The following GABBR2 variants were observed in gnomAD, a reference collection of about 807,000 sequenced individuals.
The protein encoded by GABBR2 is gamma-aminobutyric acid type B receptor subunit 2.
A neutral mutation model predicts 105.6 loss-of-function variants in GABBR2; 23 were observed. The observed-to-expected ratio is 0.22, with a 90% CI of 0.16 to 0.31. The LOEUF is 0.31. GABBR2 is among the 10% of genes least tolerant of loss of function. GABBR2 has a pLI of 1.00. For missense variants in GABBR2, 734 were observed against 1,245.5 expected (o/e 0.59, Z 6.18); for synonymous variants, 478 against 499.7 (o/e 0.96, Z 0.58).
intron 7 of GABBR2, among the ~76,000 whole-genome samples, chr9:98,414,880 T>C (rs1461059032): frequency 1.3e-5 from 2 of 152,244 alleles, no homozygotes; most frequent in East Asian, 3.9e-4. Context: ...CCCTGAGGCC[T>C]AAGGAACAGT....
intron 1 of GABBR2, among the ~76,000 whole-genome samples, chr9:98,603,068 C>T (rs952839035): frequency 2.0e-5 from 3 of 152,208 alleles, no homozygotes; most frequent in African/African-American, 7.2e-5. Flanking sequence ...GGGACTACTG[C>T]TGGTATTCTT....
At chr9:98,652,139 A>G (rs1588269776) in intron 1 of GABBR2, among the ~76,000 whole-genome samples, 1 of 152,208 alleles carries the variant, frequency 6.6e-6, no homozygotes, top group Non-Finnish European at 1.5e-5. Context: ...TATCATATGT[A>G]TCATAGTTAC....
intron 9 of GABBR2, among the ~76,000 whole-genome samples, chr9:98,391,981 G>A (rs984213856): frequency 2.0e-5 from 3 of 152,142 alleles, no homozygotes; most frequent in African/African-American, 7.2e-5. Flanking sequence ...GCGGGGCTGA[G>A]AGCTGAACCC....
chr9:98,367,528 G>A (rs1002450554), intron 12 of GABBR2, among the ~76,000 whole-genome samples: 2 of 152,132 alleles, frequency 1.3e-5, no homozygotes, highest in African/African-American at 4.8e-5. Flanking sequence ...TTGGGAAGAT[G>A]AAAAGGTTTG....
intron 12 of GABBR2, among the ~76,000 whole-genome samples, chr9:98,368,453 C>T (rs945552484): frequency 4.6e-5 from 7 of 152,220 alleles, no homozygotes; most frequent in East Asian, 1.9e-4. Context: ...AGACCCTTGG[C>T]GGGGACCGAG....
intron 1 of GABBR2, among the ~76,000 whole-genome samples, chr9:98,602,459 CAAA>C (rs796794572): frequency 8.0e-6 from 1 of 125,560 alleles, no homozygotes; most frequent in African/African-American, 3.1e-5. Flanking sequence ...GACTCTGTCT[CAAA>C]AAAAAAAAAA....
At chr9:98,301,769 C>T (rs566436758) in intron 16 of GABBR2, among the ~76,000 whole-genome samples, 1 of 152,204 alleles carries the variant, frequency 6.6e-6, no homozygotes, top group Non-Finnish European at 1.5e-5. Flanking sequence ...CATGGTCGTA[C>T]TCATCAGGAG....
intron 15 of GABBR2, among the ~76,000 whole-genome samples, 179 bp from the exon 16 acceptor site, chr9:98,303,602 T>A (rs1830504741): frequency 6.6e-6 from 1 of 152,218 alleles, no homozygotes; most frequent in African/African-American, 2.4e-5. Context: ...CGCTTGTGTG[T>A]GACCTGGGGC....
At chr9:98,563,443 G>A (rs1828705474) in intron 2 of GABBR2, among the ~76,000 whole-genome samples, 1 of 152,182 alleles carries the variant, frequency 6.6e-6, no homozygotes, top group South Asian at 2.1e-4. Context: ...GCACGCCCTG[G>A]AAACGCTTCC....
chr9:98,682,789 G>T (rs917315284), intron 1 of GABBR2, among the ~76,000 whole-genome samples: 15 of 152,122 alleles, frequency 9.9e-5, no homozygotes, highest in African/African-American at 3.6e-4. Flanking sequence ...AAAATGAAAG[G>T]CTCATTAAAC....
intron 2 of GABBR2, among the ~76,000 whole-genome samples, chr9:98,563,567 T>C (rs1828707965): frequency 6.6e-6 from 1 of 152,144 alleles, no homozygotes; most frequent in Non-Finnish European, 1.5e-5. Flanking sequence ...GCCCAGAGTC[T>C]CAGAAGACAC....
intron 3 of GABBR2, among the ~76,000 whole-genome samples, chr9:98,513,786 G>A (rs1827701780): frequency 1.3e-5 from 2 of 152,232 alleles, no homozygotes; most frequent in African/African-American, 2.4e-5. Context: ...TGGAGAAATA[G>A]GAACACTTTT....
At chr9:98,339,272 T>C (rs930496635) in intron 13 of GABBR2, among the ~76,000 whole-genome samples, 13 of 138,100 alleles carry the variant, frequency 9.4e-5, no homozygotes, top group African/African-American at 3.7e-4. Flanking sequence ...TTATGATATG[T>C]GAATTATATC....
intron 1 of GABBR2, among the ~76,000 whole-genome samples, chr9:98,642,352 G>A (rs1022743040): frequency 2.0e-5 from 3 of 152,168 alleles, no homozygotes; most frequent in Non-Finnish European, 4.4e-5. Flanking sequence ...AGACCCCACA[G>A]CTTCTCAGCT....
At position 98,527,119 on chromosome 9, in the gene GABBR2, A is replaced by G. The variant is rs200469036; in HGVS notation, c.630+14754T>C. On this transcript the variant is annotated intron_variant, in intron 3 of 18. Coordinates refer to ENST00000259455, the MANE Select transcript of GABBR2 (RefSeq NM_005458.8). ...AATAATATATATATTATATATATAT[A>G]TGTATATATAAAATAGTGGGTATTC... Among the ~76,000 whole-genome samples the G allele has an allele frequency of 3.0e-4, 44 of 147,834 alleles. No homozygotes were observed. The East Asian group carries it at 8.1e-3, about 27-fold the overall frequency.
intron 7 of GABBR2, among the ~76,000 whole-genome samples, chr9:98,442,959 C>A (rs1228141956): frequency 3.3e-5 from 5 of 152,202 alleles, no homozygotes; most frequent in African/African-American, 4.8e-5. Flanking sequence ...CTAATCACAT[C>A]TGTAACAACC....
At chr9:98,541,368 C>T (rs35277385) in intron 3 of GABBR2, among the ~76,000 whole-genome samples, 78,272 of 150,342 alleles carry the variant, frequency 0.52, 20,599 homozygotes, top group East Asian at 0.65. Flanking sequence ...GCTTTTTTTT[C>T]CCCCACAACA....
intron 1 of GABBR2, among the ~76,000 whole-genome samples, chr9:98,648,079 G>GA (rs1238821563): frequency 4.0e-4 from 22 of 54,718 alleles, no homozygotes; most frequent in African/African-American, 1.9e-3. Flanking sequence ...TAATCATACA[G>GA]GGTGTGTGTG....
chr9:98,477,477 A>C (rs1473627429), intron 5 of GABBR2, among the ~76,000 whole-genome samples: 1 of 152,190 alleles, frequency 6.6e-6, no homozygotes, highest in Non-Finnish European at 1.5e-5. Context: ...GGCTTAGGCT[A>C]TCTTCCAGCC....
Sources: gnomAD v4.1 joint callset for allele counts (sites outside exome capture counted in the v4.1 genomes callset) on GRCh38, gnomAD v4.1.1 for gene constraint, MANE v1.5 for transcripts, NCBI Gene and HGNC (gene_info 2026-07-23, HGNC 2026-07-21) for gene names.